The following PTPN12 variants were observed in gnomAD, a reference collection of about 807,000 sequenced individuals.
The protein encoded by PTPN12 is protein tyrosine phosphatase non-receptor type 12.
Under a neutral mutation model 97.6 loss-of-function variants are expected in PTPN12, and 29 were observed. The observed-to-expected ratio is 0.30, with a 90% CI of 0.22 to 0.41. The LOEUF (loss-of-function observed/expected upper bound fraction) is 0.41. Among genes scored for constraint, PTPN12 ranks in the 10% least tolerant of loss-of-function variants. PTPN12 has a pLI of 1.00. For synonymous variants in PTPN12, 327 were observed against 300.4 expected (o/e 1.09, Z -0.91); for missense variants, 819 against 926.0 (o/e 0.88, Z 1.50).
In PTPN12 at chr7:77,587,027, A is replaced by G. The variant is rs1474290773; in HGVS notation, c.420+1446A>G. 2.0e-5 allele frequency among the ~76,000 whole-genome samples: 3 copies of G among 152,148 alleles called. No homozygotes were observed. In the East Asian group the frequency reaches 5.8e-4, roughly 29 times the overall value. Reference sequence around the variant, plus strand: ...CCTCTACTGAAGTCTTGAACCTCTCAAAGTTATCACGAGGGTTGGAATTAA... The same window carrying G: ...CCTCTACTGAAGTCTTGAACCTCTCGAAGTTATCACGAGGGTTGGAATTAA... On this transcript the variant is annotated intron_variant, in intron 5 of 17. Transcript: ENST00000248594.
At chr7:77,636,945 A>G (rs1789614418) in intron 15 of PTPN12, 73 bp from the exon 16 acceptor site, 2 of 1,247,330 alleles carry the variant, frequency 1.6e-6, no homozygotes, top group Admixed American at 2.0e-5. Flanking sequence ...ATATACCCAT[A>G]ACAGACCCAG....
chr7:77,612,531 C>T (rs1562749435), intron 11 of PTPN12, among the ~76,000 whole-genome samples: 1 of 152,164 alleles, frequency 6.6e-6, no homozygotes, highest in East Asian at 1.9e-4. Flanking sequence ...CTCCGCCTCC[C>T]AGGTTCAAGC....
chr7:77,625,472 G>GCGCTCTCTCTCTCTCTCTCTCTCT (rs1554326597), intron 12 of PTPN12, among the ~76,000 whole-genome samples: 1 of 33,522 alleles, frequency 3.0e-5, no homozygotes, highest in Non-Finnish European at 5.0e-5. Context: ...CAGGCTGCTC[G>GCGCTCTCTCTCTCTCTCTCTCTCT]CTCTCTCTCT....
intron 12 of PTPN12, among the ~76,000 whole-genome samples, chr7:77,621,156 C>T (rs1788922663): frequency 6.6e-6 from 1 of 151,848 alleles, no homozygotes; most frequent in Admixed American, 6.6e-5. Context: ...ATAAGACACA[C>T]ACACACAGTA....
intron 11 of PTPN12, among the ~76,000 whole-genome samples, chr7:77,615,610 G>T (rs1031929855): frequency 6.6e-6 from 1 of 152,150 alleles, no homozygotes; most frequent in Non-Finnish European, 1.5e-5. Context: ...AATTACCTGG[G>T]TATGGTAGCA....
chr7:77,594,385 G>A (rs920870888), intron 6 of PTPN12, among the ~76,000 whole-genome samples: 3 of 152,078 alleles, frequency 2.0e-5, no homozygotes, highest in South Asian at 2.1e-4. Flanking sequence ...ACTTCAGTGG[G>A]GAAATACCAA....
intron 1 of PTPN12, among the ~76,000 whole-genome samples, chr7:77,555,888 C>A (rs1280442099): frequency 1.3e-5 from 2 of 151,912 alleles, no homozygotes; most frequent in African/African-American, 4.8e-5. Context: ...GCACTCCAGC[C>A]TGGGCGACAG....
intron 1 of PTPN12, chr7:77,564,088 A>G (rs1005989583): frequency 1.3e-5 from 3 of 237,842 alleles, no homozygotes; most frequent in African/African-American, 4.7e-5. Context: ...CATGTTGGCC[A>G]GGCTGGTCTT....
rs151176920 is a variant in PTPN12, at chr7:77,608,128, T to C, written c.762+827T>C. ...GTATTTATGCCTGCTGGAGACATTA[T>C]AGTATTGTAGTCTATGAATGCTGAC... On this transcript the variant is annotated intron_variant, in intron 9 of 17. Coordinates refer to ENST00000248594, the MANE Select transcript of PTPN12 (RefSeq NM_002835.4). 5.9e-5 allele frequency among the ~76,000 whole-genome samples: 9 copies of C among 152,294 alleles called. No individual in the cohort carries two copies. In the East Asian group the frequency reaches 1.5e-3, roughly 26 times the overall value.
chr7:77,552,117 A>G (rs535791785), intron 1 of PTPN12, among the ~76,000 whole-genome samples: 4 of 152,336 alleles, frequency 2.6e-5, no homozygotes, highest in African/African-American at 9.6e-5. Context: ...ATAGAAGATT[A>G]TTAAAATTCA....
At chr7:77,538,104 G>T in intron 1 of PTPN12, 1 of 990,798 alleles carries the variant, frequency 1.0e-6, no homozygotes, top group Non-Finnish European at 1.2e-6. Flanking sequence ...CGGGGGTATT[G>T]AGGTTGGCAC....
intron 2 of PTPN12, among the ~76,000 whole-genome samples, chr7:77,572,393 G>A (rs1207883434): frequency 6.6e-6 from 1 of 152,132 alleles, no homozygotes; most frequent in Non-Finnish European, 1.5e-5. Context: ...GATTATTCAA[G>A]AATGTTGAAC....
At chr7:77,613,002 C>G (rs1333905107) in intron 11 of PTPN12, among the ~76,000 whole-genome samples, 1 of 151,306 alleles carries the variant, frequency 6.6e-6, no homozygotes, top group Non-Finnish European at 1.5e-5. Context: ...AACTCCTGAC[C>G]TCAGGCGATC....
At chr7:77,628,817 C>T (rs147099895) in intron 13 of PTPN12, among the ~76,000 whole-genome samples, 65 of 152,098 alleles carry the variant, frequency 4.3e-4, no homozygotes, top group African/African-American at 1.4e-3. Flanking sequence ...GGATTACAGA[C>T]GTGAGCTACC....
At chr7:77,563,951 C>T (rs923722262) in intron 1 of PTPN12, 15 of 441,606 alleles carry the variant, frequency 3.4e-5, no homozygotes, top group Admixed American at 2.5e-4. Flanking sequence ...GCTCTGTCGC[C>T]CAGGCTGGAG....
At chr7:77,592,502 T>TTG in intron 6 of PTPN12, 1 of 365,908 alleles carries the variant, frequency 2.7e-6, no homozygotes. Flanking sequence ...TGTATATCAA[T>TTG]TGATAGTAGG....
Position 77,627,277 on chromosome 7 carries a change from A to G in PTPN12, c.1598A>G (p.His533Arg), listed in dbSNP as rs748116299. ...CGCTTGCCTCTTGATGAGAAAGGAC[A>G]TGTAACGTGGTCATTTCATGGACCT... is the stretch of plus-strand genomic sequence containing the variant. ...PDRLPLDEKG[H>R]VTWSFHGPEN... The change falls in exon 13 of 18, where the codon CAT becomes CGT. Residue 533 changes from histidine to arginine, a missense_variant. Physicochemically the swap from His to Arg is conservative, Grantham distance 29. This residue lies in a region of PTPN12 where 607 missense variants were observed against 577.3 expected (regional missense o/e 1.05). Coordinates refer to ENST00000248594, the MANE Select transcript of PTPN12 (RefSeq NM_002835.4). 13 of 1,614,058 alleles carry G rather than the reference A, an allele frequency of 8.1e-6. No homozygotes were observed. Among genetic ancestry groups the G allele is most frequent in the African/African-American group, 1.3e-5 (1 of 74,934 alleles).
chr7:77,619,775 A>C (rs1369236407), intron 12 of PTPN12, among the ~76,000 whole-genome samples: 17 of 152,190 alleles, frequency 1.1e-4, no homozygotes, highest in Admixed American at 1.1e-3. Context: ...CAGATTTTTT[A>C]AGTGTGGTGG....
At chr7:77,542,634 A>G (rs1439243374) in intron 1 of PTPN12, among the ~76,000 whole-genome samples, 1 of 152,182 alleles carries the variant, frequency 6.6e-6, no homozygotes, top group East Asian at 1.9e-4. Context: ...AAAAGAGTAT[A>G]GTGTTATGAC....
Sources: gnomAD v4.1 joint callset for allele counts (sites outside exome capture counted in the v4.1 genomes callset) on GRCh38, gnomAD v4.1.1 for gene constraint, gnomAD v4.1.1 regional missense constraint, MANE v1.5 for transcripts, NCBI Gene and HGNC (gene_info 2026-07-23, HGNC 2026-07-21) for gene names.